Variants in CSMD1 observed in about 807,000 individuals in gnomAD.
The protein encoded by CSMD1 is CUB and Sushi multiple domains 1, also known as CUB and sushi domain-containing protein 1.
CSMD1 carries 213 observed loss-of-function variants against 417.5 expected under a neutral mutation model. That is an observed-to-expected ratio of 0.51 (90% confidence interval 0.46 to 0.57). The LOEUF (loss-of-function observed/expected upper bound fraction) is 0.57. Ranked by LOEUF, CSMD1 falls within the 20% of genes least tolerant of loss-of-function variation. The pLI, the probability that CSMD1 is intolerant of heterozygous loss-of-function variation, is 0.00. For synonymous variants in CSMD1, 2,862 were observed against 1,736.8 expected (o/e 1.65, Z -16.11); for missense variants, 6,923 against 4,529.7 (o/e 1.53, Z -15.17).
chr8:3,334,944 C>A (rs529504124), intron 23 of CSMD1, among the ~76,000 whole-genome samples: 1 of 152,324 alleles, frequency 6.6e-6, no homozygotes, highest in Non-Finnish European at 1.5e-5. Context: ...AGCTCCTAGT[C>A]CAACGAGCCT....
At chr8:3,815,364 C>T (rs1446658407) in intron 5 of CSMD1, among the ~76,000 whole-genome samples, 2 of 152,222 alleles carry the variant, frequency 1.3e-5, no homozygotes, top group East Asian at 3.9e-4. Context: ...AGTTAGAGAA[C>T]TGTGTTAAAA....
chr8:4,628,491 G>A (rs1434596605), intron 2 of CSMD1, among the ~76,000 whole-genome samples: 1 of 146,804 alleles, frequency 6.8e-6, no homozygotes, highest in Non-Finnish European at 1.5e-5. Flanking sequence ...CACAGTATCA[G>A]TATATACACA....
At chr8:3,244,586 A>G (rs1468132714) in intron 26 of CSMD1, among the ~76,000 whole-genome samples, 1 of 152,128 alleles carries the variant, frequency 6.6e-6, no homozygotes, top group African/African-American at 2.4e-5. Flanking sequence ...TCAAAGGGGG[A>G]AATCATAGAC....
chr8:4,184,145 T>A (rs915761904), intron 3 of CSMD1, among the ~76,000 whole-genome samples: 1 of 152,174 alleles, frequency 6.6e-6, no homozygotes, highest in South Asian at 2.1e-4. Context: ...AATATATAAA[T>A]GCATAACTAT....
chr8:3,728,710 G>C (rs17067180), intron 6 of CSMD1, among the ~76,000 whole-genome samples: 29,591 of 152,054 alleles, frequency 0.19, 4,230 homozygotes, highest in African/African-American at 0.36. Flanking sequence ...TGCAAATGAT[G>C]CAAGTTAAAA....
intron 1 of CSMD1, among the ~76,000 whole-genome samples, chr8:4,730,414 G>C (rs1291367440): frequency 6.6e-6 from 1 of 152,084 alleles, no homozygotes; most frequent in Non-Finnish European, 1.5e-5. Context: ...AGTTGAGTTA[G>C]GTGGGGTCAT....
chr8:4,908,537 T>TC (rs1445767328), intron 1 of CSMD1, among the ~76,000 whole-genome samples: 10 of 152,036 alleles, frequency 6.6e-5, no homozygotes, highest in Admixed American at 5.9e-4. Context: ...TCTTCTGTTT[T>TC]TTTTCTTTGT....
At chr8:3,432,333 G>A (rs1273879536) in intron 12 of CSMD1, among the ~76,000 whole-genome samples, 2 of 152,066 alleles carry the variant, frequency 1.3e-5, no homozygotes, top group Non-Finnish European at 2.9e-5. Flanking sequence ...ATCATTTAAA[G>A]TGTTTACTCC....
chr8:4,191,250 G>C (rs949379133), intron 3 of CSMD1, among the ~76,000 whole-genome samples: 12 of 151,950 alleles, frequency 7.9e-5, no homozygotes, highest in African/African-American at 2.9e-4. Context: ...CAAAAAATTA[G>C]CAGGGCATGG....
At chr8:4,449,610 G>A (rs1406075498) in intron 2 of CSMD1, among the ~76,000 whole-genome samples, 2 of 152,142 alleles carry the variant, frequency 1.3e-5, no homozygotes, top group Non-Finnish European at 2.9e-5. Flanking sequence ...AATATTCACT[G>A]CTGTAGCCAG....
At chr8:4,042,504 T>G (rs1038732543) in intron 3 of CSMD1, among the ~76,000 whole-genome samples, 4 of 151,940 alleles carry the variant, frequency 2.6e-5, no homozygotes, top group African/African-American at 9.7e-5. Context: ...ATGTGAAAAC[T>G]GAAAGCCCGT....
chr8:3,116,488 C>A (rs536748942), intron 42 of CSMD1, among the ~76,000 whole-genome samples: 1 of 152,178 alleles, frequency 6.6e-6, no homozygotes, highest in East Asian at 1.9e-4. Context: ...CTGAGTTCTT[C>A]TAATGGAGAA....
chr8:2,939,345 T>A (rs1801706094), intron 69 of CSMD1, among the ~76,000 whole-genome samples: 2 of 152,242 alleles, frequency 1.3e-5, no homozygotes, highest in Non-Finnish European at 2.9e-5. Flanking sequence ...TTACTAATAT[T>A]CACAAAAAGT....
chr8:3,290,259 G>C lies in CSMD1; in HGVS notation c.3951-5913C>G, dbSNP rs187539280. Among the ~76,000 whole-genome samples, 605 of 147,258 alleles carry C rather than the reference G, an allele frequency of 4.1e-3. 15 individuals carry two copies. Among genetic ancestry groups the C allele is most frequent in the Admixed American group, 6.3e-3 (94 of 15,002 alleles). On this transcript the variant is annotated intron_variant, in intron 25 of 69. Coordinates refer to ENST00000635120, the MANE Select transcript of CSMD1 (RefSeq NM_033225.6). ...GTAGTGTAGTATGAAGTCAGGTAGC[G>C]TGATGCCTCCAGCTTTGTTCTTTTG...
intron 3 of CSMD1, among the ~76,000 whole-genome samples, chr8:4,375,493 T>C (rs999963333): frequency 6.6e-6 from 1 of 152,202 alleles, no homozygotes; most frequent in African/African-American, 2.4e-5. Context: ...TGGAGTCTCC[T>C]TGATGGGCAA....
chr8:4,315,349 C>A (rs553696085), intron 3 of CSMD1, among the ~76,000 whole-genome samples: 1 of 152,138 alleles, frequency 6.6e-6, no homozygotes, highest in Admixed American at 6.5e-5. Context: ...GCACTGTGAG[C>A]CCCAGGTGGC....
chr8:3,541,232 A>T (rs535531220), intron 10 of CSMD1, among the ~76,000 whole-genome samples: 39 of 152,366 alleles, frequency 2.6e-4, no homozygotes, highest in African/African-American at 8.4e-4. Context: ...CTTTGCAGGA[A>T]CATGGATGAA....
chr8:3,969,088 T>C (rs1313185378), intron 5 of CSMD1, among the ~76,000 whole-genome samples: 5 of 152,030 alleles, frequency 3.3e-5, no homozygotes, highest in Admixed American at 1.3e-4. Flanking sequence ...ACATCTCTAC[T>C]AAAAATACAA....
At position 3,209,716 on chromosome 8, in the gene CSMD1, CA is replaced by C. The variant is rs542912282; in HGVS notation, c.4868-4097del. Among the ~76,000 whole-genome samples, 485 of 152,008 alleles carry C rather than the reference CA, an allele frequency of 3.2e-3. 4 individuals are homozygous for C. Among genetic ancestry groups the C allele is most frequent in the African/African-American group, 0.011 (453 of 41,444 alleles). On this transcript the variant is annotated intron_variant, in intron 30 of 69. Transcript: ENST00000635120. ...TAGAAGTTATTTTATTTTAATGCAA[CA>C]ACAAAAGAAAAATAAATAAATGTTT...
Sources: allele counts gnomAD v4.1 joint callset (sites outside exome capture counted in the v4.1 genomes callset), GRCh38; gene constraint gnomAD v4.1.1; transcripts MANE v1.5; gene names NCBI Gene and HGNC (gene_info 2026-07-23, HGNC 2026-07-21).